FBXO15: variants seen among roughly 807,000 people sequenced by gnomAD.
FBXO15 encodes F-box protein 15, also known as F-box only protein 15.
FBXO15 carries 30 observed loss-of-function variants against 49.5 expected under a neutral mutation model. That is an observed-to-expected ratio of 0.61 (90% CI 0.45 to 0.82). The LOEUF is 0.82. Ranked by LOEUF, FBXO15 falls within the 40% of genes least tolerant of loss-of-function variation. The pLI is 0.00. For missense variants in FBXO15, 591 were observed against 631.5 expected, an observed-to-expected ratio of 0.94 and a Z score of 0.69; for synonymous variants, 250 against 232.7, an observed-to-expected ratio of 1.07 and a Z score of -0.68.
intron 8 of FBXO15, among the ~76,000 whole-genome samples, chr18:74,103,300 G>C (rs2145149457): frequency 6.6e-6 from 1 of 151,570 alleles, no homozygotes; most frequent in East Asian, 1.9e-4. Flanking sequence ...GTAGAAGGCA[G>C]GCCTTTTGAA....
chr18:74,104,841 G>A (rs145258660), intron 8 of FBXO15, among the ~76,000 whole-genome samples: 2 of 152,228 alleles, frequency 1.3e-5, no homozygotes, highest in East Asian at 3.9e-4. Context: ...ATAATAGAGT[G>A]CTTTAACATG....
chr18:74,108,606 T>G lies in FBXO15; in HGVS notation c.1138+14762A>C, dbSNP rs191720078. On this transcript the variant is annotated intron_variant, in intron 8 of 9. Coordinates refer to ENST00000419743, the MANE Select transcript of FBXO15 (RefSeq NM_001142958.2). ...TTTACATGCAATGGAAATACCATAA[T>G]AAGAAGAAAGAGAAGGAAACGGAAG... 9.2e-4 allele frequency among the ~76,000 whole-genome samples: 136 copies of G among 148,172 alleles called. 1 individual carries two copies. The highest frequency in any genetic ancestry group is 2.6e-3 in the Admixed American group (39 of 14,956).
intron 3 of FBXO15, 193 bp from the exon 4 acceptor site, chr18:74,130,851 C>A: frequency 2.8e-5 from 15 of 542,782 alleles, no homozygotes; most frequent in Non-Finnish European, 3.0e-5. Context: ...TCAACACCAC[C>A]AAAAACACAT....
intron 6 of FBXO15, 141 bp from the exon 7 acceptor site, chr18:74,124,712 A>C (rs1264288672): frequency 7.4e-6 from 5 of 679,966 alleles, no homozygotes; most frequent in Non-Finnish European, 1.3e-5. Context: ...GTGCTAATGC[A>C]TTATTACTGC....
Position 74,074,518 on chromosome 18 carries a change from C to A in FBXO15, c.1264-788G>T, listed in dbSNP as rs1912175952. ...GCACTTCCCGGAAGTGGTCCACTTT[C>A]ACTATCCATGCCTCAGGCACCCTGT... On this transcript the variant is annotated intron_variant, in intron 9 of 9. Coordinates refer to ENST00000419743, the MANE Select transcript of FBXO15 (RefSeq NM_001142958.2). This position sits in a 1 kb window ranked among gnomAD's most constrained non-coding sequence, Gnocchi z 4.7. Among the ~76,000 whole-genome samples the A allele has an allele frequency of 6.6e-6, 1 of 152,190 alleles. No homozygotes were observed. The highest frequency in any genetic ancestry group is 2.4e-5 in the African/African-American group (1 of 41,452).
At chr18:74,079,292 A>G (rs1158899410) in intron 9 of FBXO15, among the ~76,000 whole-genome samples, 1 of 152,208 alleles carries the variant, frequency 6.6e-6, no homozygotes, top group African/African-American at 2.4e-5. Flanking sequence ...TATGCTGAAG[A>G]CTGCAGCAAG....
At position 74,073,520 on chromosome 18, in the gene FBXO15, T is replaced by C; in HGVS notation, c.1474A>G (p.Asn492Asp). ...IRETEEYLIVNLVLYLSIAKI... is the reference protein window; with the variant it reads ...IRETEEYLIVDLVLYLSIAKI... Reference sequence around the variant, plus strand: ...GCGATACTAAGATAAAGGACCAGGTTGACAATAAGGTATTCTTCGGTCTCT... The same window carrying C: ...GCGATACTAAGATAAAGGACCAGGTCGACAATAAGGTATTCTTCGGTCTCT... The change falls in exon 10 of 10, where the codon AAC becomes GAC. Residue 492 changes from asparagine to aspartate, a missense_variant. Coordinates refer to ENST00000419743, the MANE Select transcript of FBXO15 (RefSeq NM_001142958.2). 1 of 1,614,178 alleles carries C rather than the reference T, an allele frequency of 6.2e-7. No individual in the cohort carries two copies. Among genetic ancestry groups the C allele is most frequent in the Non-Finnish European group, 8.5e-7 (1 of 1,180,042 alleles).
intron 3 of FBXO15, among the ~76,000 whole-genome samples, chr18:74,132,149 A>G (rs1401284000): frequency 3.3e-5 from 5 of 152,230 alleles, no homozygotes; most frequent in Non-Finnish European, 5.9e-5. Context: ...AGACTTTCCT[A>G]TGTAAGCGGA....
intron 3 of FBXO15, among the ~76,000 whole-genome samples, chr18:74,134,615 G>T (rs940488655): frequency 1.3e-5 from 2 of 152,172 alleles, no homozygotes; most frequent in African/African-American, 2.4e-5. Context: ...TGATCCGCCC[G>T]CCTCGGCCTC....
At chr18:74,120,240 C>A (rs944923016) in intron 8 of FBXO15, among the ~76,000 whole-genome samples, 2 of 152,150 alleles carry the variant, frequency 1.3e-5, no homozygotes, top group Non-Finnish European at 2.9e-5. Context: ...TACACAAATT[C>A]ACTGTCAGAG....
At chr18:74,098,700 A>C (rs1331853136) in intron 8 of FBXO15, 1 of 152,216 alleles carries the variant, frequency 6.6e-6, no homozygotes, top group Non-Finnish European at 1.5e-5. Context: ...TATTTGGGGG[A>C]ATAATCCGGG....
chr18:74,088,324 T>C (rs1054525227), intron 8 of FBXO15, among the ~76,000 whole-genome samples: 1 of 152,216 alleles, frequency 6.6e-6, no homozygotes, highest in African/African-American at 2.4e-5. Context: ...CCAGGGATTT[T>C]ATAGTTTTAG....
chr18:74,087,879 A>AT (rs1436395633), intron 8 of FBXO15, among the ~76,000 whole-genome samples: 14 of 152,048 alleles, frequency 9.2e-5, no homozygotes, highest in Admixed American at 2.0e-4. Context: ...AGCCTGTGTC[A>AT]TTTTTTTGAA....
intron 8 of FBXO15, among the ~76,000 whole-genome samples, chr18:74,090,500 T>A (rs1012862762): frequency 1.3e-5 from 2 of 152,218 alleles, no homozygotes; most frequent in Non-Finnish European, 2.9e-5. Flanking sequence ...GATGTTATAT[T>A]GTTAATCTGA....
chr18:74,104,443 C>T (rs1913658703), intron 8 of FBXO15, among the ~76,000 whole-genome samples: 1 of 152,084 alleles, frequency 6.6e-6, no homozygotes, highest in African/African-American at 2.4e-5. Flanking sequence ...AGTAACAACA[C>T]TGAATGTAAA....
At chr18:74,087,053 C>T (rs1912774135) in intron 8 of FBXO15, among the ~76,000 whole-genome samples, 1 of 152,140 alleles carries the variant, frequency 6.6e-6, no homozygotes, top group South Asian at 2.1e-4. Context: ...TTTAAATGTG[C>T]AATAGCATTA....
At chr18:74,134,075 T>C (rs1978561169) in intron 3 of FBXO15, among the ~76,000 whole-genome samples, 3 of 152,230 alleles carry the variant, frequency 2.0e-5, no homozygotes, top group South Asian at 4.1e-4. Flanking sequence ...ACATTATTAG[T>C]TCATTCATTG....
chr18:74,147,637 C>T, intron 1 of FBXO15, 33 bp downstream of exon 1: 3 of 1,380,490 alleles, frequency 2.2e-6, no homozygotes, highest in Non-Finnish European at 2.8e-6. Flanking sequence ...GGGCTTCCCG[C>T]CAGGGGACCC....
intron 2 of FBXO15, 123 bp downstream of exon 2, chr18:74,140,079 T>C (rs1439048916): frequency 1.4e-6 from 1 of 692,918 alleles, no homozygotes; most frequent in Admixed American, 3.1e-5. Context: ...TGTACTGTCT[T>C]CCTACACAAT....
Sources: allele counts gnomAD v4.1 joint callset (sites outside exome capture counted in the v4.1 genomes callset), GRCh38; gene constraint gnomAD v4.1.1; non-coding constraint Gnocchi (gnomAD v3.1); transcripts MANE v1.5; gene names NCBI Gene and HGNC (gene_info 2026-07-23, HGNC 2026-07-21).